The following KRT8 variants were observed in gnomAD, a reference collection of about 807,000 sequenced individuals.
The protein encoded by KRT8 is keratin 8.
In KRT8, 24 loss-of-function variants were observed where a neutral mutation model predicts 43.0. That is an observed-to-expected ratio of 0.56 (90% confidence interval 0.40 to 0.78). The LOEUF (loss-of-function observed/expected upper bound fraction) is 0.78. Among genes scored for constraint, KRT8 ranks in the 30% least tolerant of loss-of-function variants. The probability of loss-of-function intolerance (pLI) is 0.00; values close to 1 mark genes in which losing one functional copy is unlikely to be tolerated. For missense variants in KRT8, 492 were observed against 638.4 expected (o/e 0.77, Z 2.47); for synonymous variants, 214 against 261.2 (o/e 0.82, Z 1.74).
chr12:52,942,579 C>T (rs1942284261), intron 2 of KRT8, among the ~76,000 whole-genome samples: 2 of 152,164 alleles, frequency 1.3e-5, no homozygotes, highest in Admixed American at 1.3e-4. Context: ...CCCGGGCTTC[C>T]TCCTTTTCCA....
chr12:52,925,063 TG>T (rs996296577), intron 2 of KRT8, among the ~76,000 whole-genome samples: 1 of 152,130 alleles, frequency 6.6e-6, no homozygotes, highest in African/African-American at 2.4e-5. Context: ...AAGAAAAAGA[TG>T]TTGTATAGAC....
intron 2 of KRT8, among the ~76,000 whole-genome samples, chr12:52,917,784 C>A (rs183837052): frequency 1.3e-5 from 2 of 150,940 alleles, no homozygotes; most frequent in African/African-American, 4.9e-5. Flanking sequence ...GAGGCTGAGG[C>A]AGGGAGAATT....
exon 1 of KRT8, chr12:52,905,067 T>G (rs768921807): frequency 9.9e-6 from 15 of 1,514,858 alleles, no homozygotes; most frequent in South Asian, 6.1e-5. Context: ...TGAGGAGAGC[T>G]CTCAGGAATG....
At chr12:52,908,067 G>A (rs1468759615), upstream of KRT8, among the ~76,000 whole-genome samples, 1 of 152,196 alleles carries the variant, frequency 6.6e-6, no homozygotes, top group African/African-American at 2.4e-5. Flanking sequence ...ACTCCCTGTG[G>A]GCCAAGAGTG....
At chr12:52,943,053 C>T (rs898202755) in intron 2 of KRT8, among the ~76,000 whole-genome samples, 10 of 152,060 alleles carry the variant, frequency 6.6e-5, no homozygotes, top group African/African-American at 2.4e-4. Flanking sequence ...TCCATTGTTC[C>T]CTGGACTCAC....
intron 2 of KRT8, among the ~76,000 whole-genome samples, chr12:52,939,521 G>C (rs1942232328): frequency 6.6e-6 from 1 of 151,466 alleles, no homozygotes; most frequent in Admixed American, 6.6e-5. Context: ...AGGAGTTTGA[G>C]ACCGGCCTGG....
chr12:52,905,159 G>A (rs530140895), upstream of KRT8: 809 of 1,232,698 alleles, frequency 6.6e-4, 6 homozygotes, highest in Admixed American at 1.1e-3. Flanking sequence ...GAGGGGGCTG[G>A]GCCTAACCCG....
intron 2 of KRT8, among the ~76,000 whole-genome samples, chr12:52,926,713 G>A (rs558040417): frequency 6.6e-6 from 1 of 152,152 alleles, no homozygotes; most frequent in African/African-American, 2.4e-5. Flanking sequence ...CCCTCACAAG[G>A]ACCTTGGGAG....
intron 2 of KRT8, among the ~76,000 whole-genome samples, chr12:52,938,136 C>CTATACATATATATA (rs1555189938): frequency 8.2e-4 from 36 of 44,054 alleles, no homozygotes; most frequent in African/African-American, 2.9e-3. Flanking sequence ...CACTAGAAAG[C>CTATACATATATATA]TATATATATA....
rs73297768 is a variant in KRT8, at chr12:52,930,133, G to C, written c.-47+19323C>G. On this transcript the variant is annotated intron_variant, in intron 2 of 6. Coordinates refer to the KRT8 transcript ENST00000546826. ...ATAGAATGGTGCCTGATACATCATAGATGTTCAGTGTTATTATTGTTACTA... is the reference window on the plus strand; with the variant it reads ...ATAGAATGGTGCCTGATACATCATACATGTTCAGTGTTATTATTGTTACTA... Among the ~76,000 whole-genome samples the C allele has an allele frequency of 5.4e-3, 828 of 152,186 alleles. 6 individuals carry two copies. Among genetic ancestry groups the C allele is most frequent in the African/African-American group, 0.019 (776 of 41,516 alleles).
In KRT8 at chr12:52,931,631, C is replaced by T. The variant is rs565842269; in HGVS notation, c.-47+17825G>A. On this transcript the variant is annotated intron_variant, in intron 2 of 6. Transcript: ENST00000546826. ...TTTCCCACTTTATCTCCCACCTCTT[C>T]CTTTCTCCACTACTCATTGGCTCCC... 3.3e-5 allele frequency among the ~76,000 whole-genome samples: 5 copies of T among 151,064 alleles called. No individual in the cohort carries two copies. In the East Asian group the frequency reaches 9.8e-4, roughly 29 times the overall value.
intron 2 of KRT8, among the ~76,000 whole-genome samples, chr12:52,933,957 C>T (rs925692748): frequency 3.3e-5 from 5 of 151,118 alleles, no homozygotes; most frequent in Admixed American, 1.3e-4. Context: ...TAGCCGGGAA[C>T]GGTGGCTCAC....
upstream of KRT8, among the ~76,000 whole-genome samples, chr12:52,905,437 G>T (rs773494001): frequency 1.3e-5 from 2 of 152,154 alleles, no homozygotes; most frequent in Non-Finnish European, 2.9e-5. Context: ...GGACTGGGAA[G>T]CATGGGAAAA....
At chr12:52,936,988 A>G (rs1489793602) in intron 2 of KRT8, among the ~76,000 whole-genome samples, 2 of 152,218 alleles carry the variant, frequency 1.3e-5, no homozygotes, top group Non-Finnish European at 2.9e-5. Flanking sequence ...GAATCCAGAC[A>G]TATTTTCAAA....
intron 2 of KRT8, among the ~76,000 whole-genome samples, chr12:52,927,160 C>T (rs546534272): frequency 2.0e-5 from 3 of 152,174 alleles, no homozygotes; most frequent in South Asian, 2.1e-4. Context: ...TGTCCACAGC[C>T]TGGACACACC....
chr12:52,902,700 C>A (rs185649654), intron 1 of KRT8, among the ~76,000 whole-genome samples: 40 of 151,870 alleles, frequency 2.6e-4, no homozygotes, highest in Non-Finnish European at 2.9e-4. Context: ...AAATAGCCAA[C>A]CTTTCTAAAG....
At chr12:52,922,614 A>C (rs1565727463) in intron 2 of KRT8, among the ~76,000 whole-genome samples, 1 of 152,252 alleles carries the variant, frequency 6.6e-6, no homozygotes. Flanking sequence ...CAGACTTTGC[A>C]GTGAGCTGAA....
intron 2 of KRT8, among the ~76,000 whole-genome samples, chr12:52,945,942 C>T (rs1942337551): frequency 6.6e-6 from 1 of 152,068 alleles, no homozygotes; most frequent in Admixed American, 6.6e-5. Context: ...CCCCAGCTCT[C>T]CAAGAGGCTC....
Position 52,933,112 on chromosome 12 carries a change from T to C in KRT8, c.-47+16344A>G, listed in dbSNP as rs977559512. Among the ~76,000 whole-genome samples, 3 of 151,908 alleles carry C rather than the reference T, an allele frequency of 2.0e-5. No individual in the cohort carries two copies. In the East Asian group the frequency reaches 5.8e-4, roughly 29 times the overall value. On this transcript the variant is annotated intron_variant, in intron 2 of 6. Coordinates refer to the KRT8 transcript ENST00000546826. ...GCACTCACCACCACGCCCAGCTAAT[T>C]TTTTTGTATTTTCAGTAGAGACGGG...
Sources: allele counts gnomAD v4.1 joint callset (sites outside exome capture counted in the v4.1 genomes callset), GRCh38; gene constraint gnomAD v4.1.1; transcripts MANE v1.5; gene names NCBI Gene and HGNC (gene_info 2026-07-23, HGNC 2026-07-21).